The following PKHD1L1 variants were observed in gnomAD, a reference collection of about 807,000 sequenced individuals.
PKHD1L1 encodes the protein PKHD1 like 1.
Under a neutral mutation model 462.9 loss-of-function variants are expected in PKHD1L1, and 434 were observed. That is an observed-to-expected ratio of 0.94 (90% CI 0.87 to 1.02). The LOEUF (loss-of-function observed/expected upper bound fraction) is 1.02. Among genes scored for constraint, PKHD1L1 ranks in the 50% least tolerant of loss-of-function variants. The pLI is 0.00. For missense variants in PKHD1L1, 5,202 were observed against 5,096.1 expected (o/e 1.02, Z -0.63); for synonymous variants, 1,781 against 1,750.0 (o/e 1.02, Z -0.44).
chr8:109,507,366 A>T (rs1819741813), intron 68 of PKHD1L1, among the ~76,000 whole-genome samples: 1 of 152,188 alleles, frequency 6.6e-6, no homozygotes, highest in Non-Finnish European at 1.5e-5. Context: ...ACAAATAAGA[A>T]ATCTATCATT....
At position 109,516,416 on chromosome 8, in the gene PKHD1L1, T is replaced by C. The variant is rs146753716; in HGVS notation, c.11689+1111T>C. ...GCTGAGAGAGTGCAAGCAAGCTCCC[T>C]GGTGTCTCCTTTTAGAAGGGCACTA... On this transcript the variant is annotated intron_variant, in intron 72 of 77. Coordinates refer to ENST00000378402, the MANE Select transcript of PKHD1L1 (RefSeq NM_177531.6). Among the ~76,000 whole-genome samples the C allele has an allele frequency of 1.4e-4, 21 of 152,214 alleles. 1 individual carries two copies. The East Asian group carries it at 4.1e-3, about 29-fold the overall frequency.
chr8:109,464,937 C>G lies in PKHD1L1; in HGVS notation c.8105C>G (p.Ala2702Gly). 1 of 1,613,694 alleles carries G rather than the reference C, an allele frequency of 6.2e-7. No individual in the cohort carries two copies. Among genetic ancestry groups the G allele is most frequent in the Admixed American group, 1.7e-5 (1 of 59,968 alleles). Residue 2702 changes from alanine to glycine, a missense_variant, in exon 49 of 78, where the codon GCG (alanine) becomes GGG (glycine). Physicochemically the swap from Ala to Gly is moderately conservative, Grantham distance 60. Transcript: ENST00000378402. ...YVGGWGETNG[A>G]VIKNAKIVGH... ...GGAGGGTGGGGTGAAACCAATGGAG[C>G]GGTGATTAAAAATGCCAAAATAGTC... is the stretch of plus-strand genomic sequence containing the variant.
intron 1 of PKHD1L1, among the ~76,000 whole-genome samples, chr8:109,363,680 C>T (rs1371291797): frequency 6.6e-6 from 1 of 152,144 alleles, no homozygotes; most frequent in Non-Finnish European, 1.5e-5. Flanking sequence ...ATTTGCAATA[C>T]TCCAAAGAAG....
rs1815734519 is a variant in PKHD1L1 at position 109,440,750 on chromosome 8, A to G, written c.3997A>G (p.Thr1333Ala). 6.2e-7 allele frequency: 1 copy of G among 1,613,020 alleles called. No homozygotes were observed. The highest frequency in any genetic ancestry group is 8.5e-7 in the Non-Finnish European group (1 of 1,179,216). ...TTCAATACAGTATGTTTTAGAAGTG[A>G]CCAGCATGTTTCCACAAAGAGGCTC... The part of the protein sequence containing the change: ...NSSIQYVLEV[T>A]SMFPQRGSLF... The change falls in exon 33 of 78, where the codon ACC becomes GCC. Residue 1333 changes from threonine to alanine, a missense_variant. Coordinates refer to ENST00000378402, the MANE Select transcript of PKHD1L1 (RefSeq NM_177531.6).
intron 72 of PKHD1L1, among the ~76,000 whole-genome samples, chr8:109,517,171 G>A (rs554681774): frequency 1.2e-4 from 19 of 152,242 alleles, no homozygotes; most frequent in African/African-American, 4.3e-4. Flanking sequence ...ACAGATAAAT[G>A]TGTGTTTTAT....
chr8:109,384,402 G>T lies in PKHD1L1; in HGVS notation c.475+275G>T, dbSNP rs149733514. 6.5e-3 allele frequency among the ~76,000 whole-genome samples: 993 copies of T among 151,960 alleles called. 7 individuals carry two copies. Among genetic ancestry groups the T allele is most frequent in the Middle Eastern group, 0.051 (15 of 294 alleles). On this transcript the variant is annotated intron_variant, in intron 5 of 77. Coordinates refer to ENST00000378402, the MANE Select transcript of PKHD1L1 (RefSeq NM_177531.6). ...AAATAAAAATAAATAAATTAGCCAG[G>T]CTTGGTGGCAAGCACCTTTAGTCCC...
chr8:109,507,540 G>T, intron 68 of PKHD1L1, 123 bp from the exon 69 acceptor site: 1 of 806,440 alleles, frequency 1.2e-6, no homozygotes. Flanking sequence ...GTCCCACTTT[G>T]AAATCTCTCT....
intron 70 of PKHD1L1, among the ~76,000 whole-genome samples, chr8:109,509,266 A>T (rs1189681585): frequency 6.6e-6 from 1 of 152,024 alleles, no homozygotes; most frequent in Non-Finnish European, 1.5e-5. Flanking sequence ...TGAAGCAGAG[A>T]TCATGAGAAC....
At position 109,454,833 on chromosome 8, in the gene PKHD1L1, G is replaced by A. The variant is rs201184136; in HGVS notation, c.6855G>A (p.Glu2285=). 1.3e-5 allele frequency: 21 copies of A among 1,613,752 alleles called. No individual in the cohort carries two copies. In the African/African-American group the frequency reaches 1.6e-4, roughly 12 times the overall value. Residue 2285 remains glutamate (E), a synonymous_variant, in exon 45 of 78, where the codon GAG becomes GAA. Coordinates refer to ENST00000378402, the MANE Select transcript of PKHD1L1 (RefSeq NM_177531.6). ...GTGCCAAAACACTGGCTGTGCGGGA[G>A]GGAATCCTGGATCTGCACGGTACTG... The part of the protein sequence containing the change: ...VYGAKTLAVR[E]GILDLHGVPV...
rs1289405570 is a variant in PKHD1L1, at chr8:109,532,633, T to G, written c.*2543T>G. 6.6e-6 allele frequency among the ~76,000 whole-genome samples: 1 copy of G among 152,200 alleles called. No individual in the cohort carries two copies. The highest frequency in any genetic ancestry group is 1.5e-5 in the Non-Finnish European group (1 of 68,022). On this transcript the variant is annotated 3_prime_UTR_variant, in exon 78 of 78. Transcript: ENST00000378402. Reference sequence around the variant, plus strand: ...CTGAAATGTTGGCGAAGTAAATATGTTGTTCCAATTTTGGTCAAAGTAAGA... The same window carrying G: ...CTGAAATGTTGGCGAAGTAAATATGGTGTTCCAATTTTGGTCAAAGTAAGA...
intron 2 of PKHD1L1, among the ~76,000 whole-genome samples, chr8:109,371,288 T>A (rs1234131553): frequency 6.6e-6 from 1 of 152,242 alleles, no homozygotes; most frequent in African/African-American, 2.4e-5. Flanking sequence ...GTTTTTTGAC[T>A]GCATGAATGT....
intron 29 of PKHD1L1, 131 bp downstream of exon 29, chr8:109,435,485 G>A (rs935244190): frequency 1.5e-5 from 15 of 989,134 alleles, no homozygotes; most frequent in African/African-American, 6.5e-5. Context: ...AGTCTCCTTC[G>A]AGAAGGTACA....
rs150484762 is a variant in PKHD1L1 at position 109,531,503 on chromosome 8, T to G, written c.*1413T>G. Among the ~76,000 whole-genome samples, 169 of 148,896 alleles carry G rather than the reference T, an allele frequency of 1.1e-3. No homozygotes were observed. The highest frequency in any genetic ancestry group is 1.4e-3 in the African/African-American group (58 of 40,310). On this transcript the variant is annotated 3_prime_UTR_variant, in exon 78 of 78. Transcript: ENST00000378402. ...AGAGGGAGGGGGAGAGAGAGATAGA[T>G]AGAGAGAGAGAGAAAGCATGAGGTT...
chr8:109,456,582 T>C (rs969537993), intron 46 of PKHD1L1, among the ~76,000 whole-genome samples, 191 bp downstream of exon 46: 1 of 152,186 alleles, frequency 6.6e-6, no homozygotes, highest in African/African-American at 2.4e-5. Flanking sequence ...TGCATTATAA[T>C]TGATAGATTT....
chr8:109,409,078 A>C (rs1342801079), intron 18 of PKHD1L1, among the ~76,000 whole-genome samples: 1 of 152,198 alleles, frequency 6.6e-6, no homozygotes, highest in African/African-American at 2.4e-5. Context: ...CAGATTAAAG[A>C]GTATATATTG....
intron 43 of PKHD1L1, among the ~76,000 whole-genome samples, chr8:109,453,139 T>C (rs1816632870): frequency 6.6e-6 from 1 of 152,186 alleles, no homozygotes; most frequent in South Asian, 2.1e-4. Context: ...CTTTTAAAGC[T>C]AAATGTTGTT....
chr8:109,399,727 TTA>T (rs1813174022), intron 12 of PKHD1L1, among the ~76,000 whole-genome samples: 1 of 152,144 alleles, frequency 6.6e-6, no homozygotes, highest in African/African-American at 2.4e-5. Context: ...GCAACATCAG[TTA>T]TATCATAATA....
chr8:109,439,067 A>G lies in PKHD1L1; in HGVS notation c.3931A>G (p.Arg1311Gly). The change falls in exon 32 of 78, where the codon AGA (arginine) becomes GGA (glycine). Residue 1311 changes from arginine to glycine, a missense_variant. Arg to Gly is a moderately radical substitution (Grantham distance 125, BLOSUM62 -2). Coordinates refer to ENST00000378402, the MANE Select transcript of PKHD1L1 (RefSeq NM_177531.6). The part of the protein sequence containing the change: ...PGKHDIYVEV[R>G]NWGFASTRDK... ...AAAACATGATATCTATGTAGAAGTC[A>G]GAAACTGGGGTTTTGCATCAACAAG... The G allele has an allele frequency of 6.2e-7, 1 of 1,613,170 alleles. No individual in the cohort carries two copies. Among genetic ancestry groups the G allele is most frequent in the South Asian group, 1.1e-5 (1 of 90,846 alleles).
chr8:109,438,183 A>C (rs1459221891), intron 30 of PKHD1L1, 141 bp from the exon 31 acceptor site: 2 of 632,586 alleles, frequency 3.2e-6, no homozygotes, highest in East Asian at 6.3e-5. Context: ...CAACTTTCTA[A>C]ATATATGAAA....
Sources: allele counts gnomAD v4.1 joint callset (sites outside exome capture counted in the v4.1 genomes callset), GRCh38; gene constraint gnomAD v4.1.1; transcripts MANE v1.5; gene names NCBI Gene and HGNC (gene_info 2026-07-23, HGNC 2026-07-21).